FREM1: variants seen among roughly 807,000 people sequenced by gnomAD.
FREM1 encodes FRAS1 related extracellular matrix 1.
Under a neutral mutation model 210.1 loss-of-function variants are expected in FREM1, and 220 were observed. That is an observed-to-expected ratio of 1.05 (90% CI 0.94 to 1.17). The LOEUF is 1.17. FREM1 is among the 50% of genes most tolerant of loss of function. The pLI is 0.00. For synonymous variants in FREM1, 1,189 were observed against 980.2 expected (o/e 1.21, Z -3.98); for missense variants, 3,454 against 2,675.5 (o/e 1.29, Z -6.42).
In FREM1 at chr9:14,748,394, T is replaced by C. The variant is rs1220282669; in HGVS notation, c.5796+7A>G. On this transcript the variant is annotated splice_region_variant and intron_variant, in intron 31 of 36. Transcript: ENST00000380880. ...CACATCATTTCCCAGAAGGTCCCCA[T>C]CCTTACTGTTTTGCCATTCCCACGG... 4 of 1,516,490 alleles carry C rather than the reference T, an allele frequency of 2.6e-6. No individual in the cohort carries two copies. Among genetic ancestry groups the C allele is most frequent in the Non-Finnish European group, 3.7e-6 (4 of 1,092,136 alleles). 93.9% of individuals were successfully genotyped at this position (1,516,490 alleles called of 1,614,324 possible).
At chr9:14,861,196 T>A (rs1165061099) in intron 3 of FREM1, among the ~76,000 whole-genome samples, 7 of 105,330 alleles carry the variant, frequency 6.6e-5, no homozygotes, top group Non-Finnish European at 1.0e-4. Context: ...CATATATACA[T>A]ATATACACAC....
Position 14,748,605 on chromosome 9 carries a change from G to A in FREM1, c.5592C>T (p.Ser1864=). ...QCHPSYSSNQ[S]KHSTWEKGIW... is the part of the protein sequence containing the mutation. ...TGCCCTTCTCCCATGTGCTGTGCTT[G>A]CTTTGGTTGGAGGAATATGAAGGAT... The change falls in exon 31 of 37, where the codon AGC becomes AGT. Residue 1864 remains serine (S), a synonymous_variant. Transcript: ENST00000380880. 1 of 1,613,644 alleles carries A rather than the reference G, an allele frequency of 6.2e-7. No homozygotes were observed. The highest frequency in any genetic ancestry group is 1.1e-5 in the South Asian group (1 of 91,036).
chr9:14,888,227 C>T (rs1836165530), intron 1 of FREM1, among the ~76,000 whole-genome samples: 1 of 152,132 alleles, frequency 6.6e-6, no homozygotes, highest in Admixed American at 6.5e-5. Context: ...GAAAATGAGA[C>T]ATAAAGAGGT....
intron 25 of FREM1, chr9:14,774,073 C>T (rs559169325): frequency 1.2e-5 from 6 of 518,560 alleles, no homozygotes; most frequent in East Asian, 5.5e-5. Flanking sequence ...ACTGTGTTCA[C>T]GATGTCAATA....
intron 1 of FREM1, among the ~76,000 whole-genome samples, chr9:14,902,316 G>A (rs149181644): frequency 0.012 from 1,879 of 152,192 alleles, 20 homozygotes; most frequent in Non-Finnish European, 0.02. Context: ...ATCTCTGACC[G>A]TGTCTCCATT....
chr9:14,868,989 C>A lies in FREM1; in HGVS notation c.-12G>T. On this transcript the variant is annotated 5_prime_UTR_variant, in exon 2 of 37. Coordinates refer to ENST00000380880, the MANE Select transcript of FREM1 (RefSeq NM_001379081.2). ...CTCAGAGAGTTCATGCTGACAGGGC[C>A]CAACTCTTCTCTGTCCACCGGCGAA... The A allele has an allele frequency of 6.5e-7, 1 of 1,532,064 alleles. No homozygotes were observed. The highest frequency in any genetic ancestry group is 2.4e-5 in the East Asian group (1 of 42,052). 94.9% of individuals were successfully genotyped at this position (1,532,064 alleles called of 1,614,324 possible).
chr9:14,870,346 C>T (rs1832382058), intron 1 of FREM1, among the ~76,000 whole-genome samples: 1 of 152,192 alleles, frequency 6.6e-6, no homozygotes, highest in Admixed American at 6.5e-5. Context: ...ACAGAGCAGC[C>T]TGTTTTTTAT....
At position 14,848,772 on chromosome 9, in the gene FREM1, A is replaced by G; in HGVS notation, c.1154T>C (p.Val385Ala). 1 of 1,592,138 alleles carries G rather than the reference A, an allele frequency of 6.3e-7. No homozygotes were observed. The highest frequency in any genetic ancestry group is 8.6e-7 in the Non-Finnish European group (1 of 1,160,302). ...SSHSERRHDE[V>A]ELEVYDFFFE... ...GAAGAAGTCGTATACCTCCAATTCT[A>G]CCTGTAAACAAACAGAGGCAAAGGA... Residue 385 changes from valine (V) to alanine (A), a missense_variant and splice_region_variant, in exon 7 of 37, where the codon GTA becomes GCA. Val to Ala is a moderately conservative substitution (Grantham distance 64). Transcript: ENST00000380880.
chr9:14,757,601 T>C (rs1373612113), intron 28 of FREM1, among the ~76,000 whole-genome samples: 1 of 152,140 alleles, frequency 6.6e-6, no homozygotes, highest in Non-Finnish European at 1.5e-5. Flanking sequence ...AAATAAGTCA[T>C]CAAATGAGAA....
chr9:14,860,954 CACATATAT>C (rs1253100210), intron 3 of FREM1, among the ~76,000 whole-genome samples: 4 of 86,100 alleles, frequency 4.6e-5, no homozygotes, highest in Admixed American at 2.2e-4. Context: ...TACACATATA[CACATATAT>C]ACACATATAT....
chr9:14,774,153 T>C (rs1302629893), intron 25 of FREM1: 2 of 518,802 alleles, frequency 3.9e-6, no homozygotes, highest in Non-Finnish European at 7.7e-6. Flanking sequence ...CAAGGACTCA[T>C]CCAGCATCCA....
chr9:14,871,448 G>A (rs1261142105), intron 1 of FREM1, among the ~76,000 whole-genome samples: 1 of 152,170 alleles, frequency 6.6e-6, no homozygotes, highest in Non-Finnish European at 1.5e-5. Flanking sequence ...CTGCATAAAT[G>A]TCTTCTTTTG....
At chr9:14,774,994 T>G (rs566393506) in intron 25 of FREM1, among the ~76,000 whole-genome samples, 67 of 152,346 alleles carry the variant, frequency 4.4e-4, no homozygotes, top group African/African-American at 1.6e-3. Context: ...CTAAAGGAAC[T>G]GCAATTGCTG....
At chr9:14,781,679 C>G (rs973405446) in intron 24 of FREM1, among the ~76,000 whole-genome samples, 3 of 152,166 alleles carry the variant, frequency 2.0e-5, no homozygotes, top group African/African-American at 7.2e-5. Context: ...GAATCTCAAT[C>G]TCTGGGAGGC....
chr9:14,773,885 A>T (rs1848049969), intron 25 of FREM1, among the ~76,000 whole-genome samples: 2 of 152,172 alleles, frequency 1.3e-5, no homozygotes, highest in African/African-American at 4.8e-5. Context: ...ATGAATTTGC[A>T]GCCAAAGAGA....
chr9:14,769,949 A>C, intron 26 of FREM1, 81 bp from the exon 27 acceptor site: 1 of 664,800 alleles, frequency 1.5e-6, no homozygotes, highest in Non-Finnish European at 2.4e-6. Flanking sequence ...TGGCTATTTT[A>C]TTTTAAACAC....
intron 22 of FREM1, among the ~76,000 whole-genome samples, chr9:14,789,332 G>C (rs1406230135): frequency 6.6e-6 from 1 of 152,024 alleles, no homozygotes; most frequent in Non-Finnish European, 1.5e-5. Context: ...TTCAACCAAA[G>C]GGTTTCAGAC....
At chr9:14,792,272 G>GCA (rs34037291) in intron 22 of FREM1, among the ~76,000 whole-genome samples, 31,631 of 142,018 alleles carry the variant, frequency 0.22, 3,459 homozygotes, top group Admixed American at 0.26. Context: ...ACACACACAC[G>GCA]CACACACACA....
chr9:14,835,509 G>A (rs1259196592), intron 10 of FREM1, among the ~76,000 whole-genome samples: 3 of 152,216 alleles, frequency 2.0e-5, no homozygotes, highest in Non-Finnish European at 4.4e-5. Context: ...CCCTTAGGGA[G>A]AACTGGCCTA....
Sources: allele counts gnomAD v4.1 joint callset (sites outside exome capture counted in the v4.1 genomes callset), GRCh38; gene constraint gnomAD v4.1.1; transcripts MANE v1.5; gene names NCBI Gene and HGNC (gene_info 2026-07-23, HGNC 2026-07-21).